Variants in KCNH8 observed in about 807,000 individuals in gnomAD.
KCNH8 encodes voltage-gated delayed rectifier potassium channel KCNH8.
Under a neutral mutation model 103.6 loss-of-function variants are expected in KCNH8, and 70 were observed. That is an observed-to-expected ratio of 0.68 (90% confidence interval 0.56 to 0.82). The LOEUF (loss-of-function observed/expected upper bound fraction) is 0.82, where lower values mean the gene tolerates loss of function less well. Among genes scored for constraint, KCNH8 ranks in the 40% least tolerant of loss-of-function variants. The probability of loss-of-function intolerance (pLI) is 0.00; values close to 1 mark genes in which losing one functional copy is unlikely to be tolerated. For synonymous variants in KCNH8, 498 were observed against 489.4 expected, an observed-to-expected ratio of 1.02 and a Z score of -0.23; for missense variants, 1,217 against 1,329.9, an observed-to-expected ratio of 0.92 and a Z score of 1.32.
chr3:19,150,440 G>A (rs956739451), intron 1 of KCNH8, among the ~76,000 whole-genome samples: 2 of 152,134 alleles, frequency 1.3e-5, no homozygotes, highest in Non-Finnish European at 2.9e-5. Context: ...TTGGCAAATG[G>A]TAATTGTTTA....
chr3:19,307,051 T>A (rs1249412537), intron 3 of KCNH8, among the ~76,000 whole-genome samples: 1 of 151,646 alleles, frequency 6.6e-6, no homozygotes, highest in East Asian at 1.9e-4. Flanking sequence ...GAATAGAGAA[T>A]CCAGAAACGA....
chr3:19,465,916 A>C (rs1428663875), intron 11 of KCNH8, among the ~76,000 whole-genome samples: 2 of 152,050 alleles, frequency 1.3e-5, no homozygotes, highest in Non-Finnish European at 2.9e-5. Flanking sequence ...ACATATAAGA[A>C]GTTGCTTCTT....
chr3:19,376,279 A>T (rs1038649028), intron 5 of KCNH8, among the ~76,000 whole-genome samples: 1 of 152,208 alleles, frequency 6.6e-6, no homozygotes, highest in Non-Finnish European at 1.5e-5. Flanking sequence ...CCTCTGAGCC[A>T]GGTGCAGGAT....
intron 8 of KCNH8, among the ~76,000 whole-genome samples, chr3:19,445,322 A>AT (rs1254630082): frequency 3.5e-4 from 53 of 151,830 alleles, no homozygotes. Flanking sequence ...TGGTGAAGGG[A>AT]TTGGTTAGTG....
In KCNH8 at chr3:19,415,404, CT is replaced by C. The variant is rs36068858; in HGVS notation, c.1177+20111del. On this transcript the variant is annotated intron_variant, in intron 7 of 15. Transcript: ENST00000328405. ...TTGGGATTTTTACTTTCTCAATGAGCTTTTTTTTTTTTTTTTTTAAGATTTA... is the reference window on the plus strand; with the variant it reads ...TTGGGATTTTTACTTTCTCAATGAGCTTTTTTTTTTTTTTTTTAAGATTTA... Among the ~76,000 whole-genome samples, 874 of 120,728 alleles carry C rather than the reference CT, an allele frequency of 7.2e-3. 4 individuals carry two copies. The highest frequency in any genetic ancestry group is 0.013 in the African/African-American group (420 of 33,006). The allele number at this position is 120,728 out of a possible 152,430, so 79.2% of individuals were successfully genotyped here. A position where few individuals can be genotyped will look rare whatever the true frequency, so the allele number is the denominator to read the frequency against.
At chr3:19,521,462 G>C (rs1173993934) in intron 15 of KCNH8, among the ~76,000 whole-genome samples, 4 of 151,816 alleles carry the variant, frequency 2.6e-5, no homozygotes, top group Non-Finnish European at 5.9e-5. Context: ...CTTAATAAGT[G>C]GTCAATAAAT....
intron 3 of KCNH8, among the ~76,000 whole-genome samples, chr3:19,338,248 G>A (rs868780996): frequency 6.6e-6 from 1 of 151,502 alleles, no homozygotes; most frequent in Non-Finnish European, 1.5e-5. Flanking sequence ...AACTCTTCTG[G>A]ACTTTCTTCA....
intron 15 of KCNH8, among the ~76,000 whole-genome samples, chr3:19,520,023 T>C (rs945439053): frequency 6.6e-6 from 1 of 151,226 alleles, no homozygotes; most frequent in East Asian, 1.9e-4. Context: ...AAAAAAAAAA[T>C]TACCATTTTA....
chr3:19,170,673 T>TAC (rs1187399187), intron 1 of KCNH8, among the ~76,000 whole-genome samples: 1 of 141,352 alleles, frequency 7.1e-6, no homozygotes, highest in Non-Finnish European at 1.5e-5. Context: ...CACATATATA[T>TAC]ACACACACAC....
rs539283366 is a variant in KCNH8, at chr3:19,452,497, G to T, written c.1825+1093G>T. On this transcript the variant is annotated intron_variant, in intron 10 of 15. Coordinates refer to ENST00000328405, the MANE Select transcript of KCNH8 (RefSeq NM_144633.3). ...GTGATAATGCAGCAAAAAAGAAATGGCCAAAATCCTTGCCTGCATGAAAAT... is the reference window on the plus strand; with the variant it reads ...GTGATAATGCAGCAAAAAAGAAATGTCCAAAATCCTTGCCTGCATGAAAAT... Among the ~76,000 whole-genome samples, 419 of 152,216 alleles carry T rather than the reference G, an allele frequency of 2.8e-3. 1 individual carries two copies. The highest frequency in any genetic ancestry group is 4.9e-3 in the Non-Finnish European group (333 of 68,008).
Position 19,281,221 on chromosome 3 carries a change from G to T in KCNH8, c.334G>T (p.Asp112Tyr), listed in dbSNP as rs754817401. ...AGGGTCTCCATTTTGGTGCCTACTGGATATTGTTCCCATAAAGAATGAAAA... is the reference window on the plus strand; with the variant it reads ...AGGGTCTCCATTTTGGTGCCTACTGTATATTGTTCCCATAAAGAATGAAAA... ...KNGSPFWCLL[D>Y]IVPIKNEKGD... Residue 112 changes from aspartate to tyrosine, a missense_variant, in exon 3 of 16, where the codon GAT becomes TAT. By Grantham distance (160) the Asp-to-Tyr change is radical. Transcript: ENST00000328405. 6.2e-7 allele frequency: 1 copy of T among 1,610,888 alleles called. No individual in the cohort carries two copies. The highest frequency in any genetic ancestry group is 8.5e-7 in the Non-Finnish European group (1 of 1,178,268).
intron 2 of KCNH8, among the ~76,000 whole-genome samples, chr3:19,254,169 A>G (rs1360194965): frequency 6.6e-6 from 1 of 152,142 alleles, no homozygotes; most frequent in African/African-American, 2.4e-5. Flanking sequence ...CGTTACTATT[A>G]TATTTTGGTA....
chr3:19,501,161 A>G (rs1439343351), intron 11 of KCNH8, among the ~76,000 whole-genome samples: 1 of 152,248 alleles, frequency 6.6e-6, no homozygotes, highest in South Asian at 2.1e-4. Flanking sequence ...CTATGCAAAT[A>G]AACTGCAAAA....
At chr3:19,243,914 T>A (rs1236760093) in intron 1 of KCNH8, among the ~76,000 whole-genome samples, 1 of 152,192 alleles carries the variant, frequency 6.6e-6, no homozygotes, top group Non-Finnish European at 1.5e-5. Flanking sequence ...GGAATCTTAG[T>A]ATTCTTAGAA....
intron 4 of KCNH8, 86 bp downstream of exon 4, chr3:19,342,800 A>G: frequency 7.6e-7 from 1 of 1,307,202 alleles, no homozygotes; most frequent in Non-Finnish European, 1.0e-6. Flanking sequence ...TCAATTACCC[A>G]TTTATTGGCT....
At chr3:19,169,405 C>CCCG (rs2063318650) in intron 1 of KCNH8, among the ~76,000 whole-genome samples, 2 of 152,006 alleles carry the variant, frequency 1.3e-5, no homozygotes, top group Non-Finnish European at 2.9e-5. Context: ...ACTACAGGCG[C>CCCG]CTGGCTAATT....
At chr3:19,426,139 C>A (rs1276829558) in intron 7 of KCNH8, among the ~76,000 whole-genome samples, 1 of 152,086 alleles carries the variant, frequency 6.6e-6, no homozygotes, top group East Asian at 1.9e-4. Context: ...TAGCATCTCC[C>A]TGAGAATCCC....
At chr3:19,532,164 G>A (rs1457782757) in intron 15 of KCNH8, among the ~76,000 whole-genome samples, 3 of 152,140 alleles carry the variant, frequency 2.0e-5, no homozygotes, top group Non-Finnish European at 4.4e-5. Flanking sequence ...ATTCTCTAAT[G>A]AATGTTATTA....
chr3:19,152,106 T>C (rs2063136169), intron 1 of KCNH8, among the ~76,000 whole-genome samples: 1 of 151,826 alleles, frequency 6.6e-6, no homozygotes, highest in African/African-American at 2.4e-5. Flanking sequence ...ACACACACAC[T>C]CCTAACGTTA....
Sources: gnomAD v4.1 joint callset for allele counts (sites outside exome capture counted in the v4.1 genomes callset) on GRCh38, gnomAD v4.1.1 for gene constraint, MANE v1.5 for transcripts, NCBI Gene and HGNC (gene_info 2026-07-23, HGNC 2026-07-21) for gene names.